USH1C: variants seen among roughly 807,000 people sequenced by gnomAD.
USH1C encodes the protein USH1 protein network component harmonin.
Under a neutral mutation model 119.3 loss-of-function variants are expected in USH1C, and 90 were observed. That is an observed-to-expected ratio of 0.75 (90% confidence interval 0.64 to 0.90). The LOEUF (loss-of-function observed/expected upper bound fraction) is 0.90. USH1C is among the 40% of genes least tolerant of loss of function. USH1C has a pLI of 0.00. For missense variants in USH1C, 1,165 were observed against 1,167.7 expected, an observed-to-expected ratio of 1.00 and a Z score of 0.03; for synonymous variants, 465 against 443.3, an observed-to-expected ratio of 1.05 and a Z score of -0.62.
chr11:17,527,006 G>A lies in USH1C; in HGVS notation c.521+10C>T. The A allele has an allele frequency of 1.3e-6, 2 of 1,564,068 alleles. No homozygotes were observed. Among genetic ancestry groups the A allele is most frequent in the African/African-American group, 1.4e-5 (1 of 73,976 alleles). On this transcript the variant is annotated intron_variant, in intron 6 of 26. Transcript: ENST00000005226. ...GGGAAGAGTTGGCCTGCAGAGGAGGGGCCTCTCACCTTTTCACGGGGATCA... is the reference window on the plus strand; with the variant it reads ...GGGAAGAGTTGGCCTGCAGAGGAGGAGCCTCTCACCTTTTCACGGGGATCA...
At position 17,531,160 on chromosome 11, in the gene USH1C, C is replaced by A. The variant is rs41282942; in HGVS notation, c.381G>T (p.Gly127=). 3.7e-3 allele frequency: 6,044 copies of A among 1,614,094 alleles called. 18 individuals are homozygous for A. The highest frequency in any genetic ancestry group is 9.1e-3 in the Middle Eastern group (55 of 6,054). Residue 127 remains glycine, a synonymous_variant, in exon 4 of 27, where the codon GGG becomes GGT. Transcript: ENST00000005226. The surrounding 1 kb of genome is among the most constrained non-coding windows in gnomAD (Gnocchi z 4.2). The stretch of plus-strand genomic sequence containing the variant: ...CCGGACTCTGTTTGCTCACCTGGAG[C>A]CCGACGCTGTCTGCCTGACCGCCTT... ...LIKGGQADSV[G]LQVGDEIVRI...
chr11:17,523,332 A>G, intron 10 of USH1C, 65 bp from the exon 11 acceptor site: 1 of 1,613,874 alleles, frequency 6.2e-7, no homozygotes, highest in Non-Finnish European at 8.5e-7. Flanking sequence ...CAGAGAGCAC[A>G]GAAGGCCCCA....
chr11:17,531,656 G>C lies in USH1C; in HGVS notation c.105-114C>G. Reference sequence around the variant, plus strand: ...TGGGCCCAGGCTTAGGAATGGAGTAGACCACTCCTGAAAAGCCCAGAGCTC... The same window carrying C: ...TGGGCCCAGGCTTAGGAATGGAGTACACCACTCCTGAAAAGCCCAGAGCTC... On this transcript the variant is annotated intron_variant, in intron 2 of 26. Coordinates refer to ENST00000005226, the MANE Select transcript of USH1C (RefSeq NM_153676.4). This position sits in a 1 kb window ranked among gnomAD's most constrained non-coding sequence, Gnocchi z 4.2. The C allele has an allele frequency of 2.2e-6, 3 of 1,378,172 alleles. No homozygotes were observed. Among genetic ancestry groups the C allele is most frequent in the Non-Finnish European group, 3.0e-6 (3 of 1,001,296 alleles). The allele number at this position is 1,378,172 out of a possible 1,614,324, so 85.4% of individuals were successfully genotyped here.
chr11:17,502,887 G>A (rs1258822382), intron 20 of USH1C, among the ~76,000 whole-genome samples: 1 of 152,166 alleles, frequency 6.6e-6, no homozygotes, highest in African/African-American at 2.4e-5. Context: ...GAGCAGAGGA[G>A]AGCCCCGTGG....
At chr11:17,513,123 A>AGT (rs1849965761) in intron 15 of USH1C, among the ~76,000 whole-genome samples, 2 of 152,204 alleles carry the variant, frequency 1.3e-5, no homozygotes, top group South Asian at 4.1e-4. Flanking sequence ...TGTAACTGAT[A>AGT]GTACCAGGAT....
At chr11:17,527,439 G>A in intron 4 of USH1C, 108 bp from the exon 5 acceptor site, 2 of 896,732 alleles carry the variant, frequency 2.2e-6, no homozygotes, top group Non-Finnish European at 3.6e-6. Flanking sequence ...GGGAAGGGTG[G>A]CTGTGCCACC....
At position 17,510,507 on chromosome 11, in the gene USH1C, C is replaced by T. The variant is rs1565035098; in HGVS notation, c.1428G>A (p.Glu476=). 6.2e-7 allele frequency: 1 copy of T among 1,613,946 alleles called. No individual in the cohort carries two copies. Among genetic ancestry groups the T allele is most frequent in the Non-Finnish European group, 8.5e-7 (1 of 1,179,858 alleles). Residue 476 remains glutamate (E), a synonymous_variant, in exon 17 of 27, where the codon GAG becomes GAA. Transcript: ENST00000005226. ...TTTCCGATTCTTCAAGGTCTTCCCG[C>T]TCTGTCTCAGACACCTGGGACCCAG... The part of the protein sequence containing the change: ...NRLAQEVSET[E]REDLEESEKI...
chr11:17,523,285 C>T lies in USH1C; in HGVS notation c.820-18G>A, dbSNP rs1370963283. On this transcript the variant is annotated intron_variant, in intron 10 of 26. Transcript: ENST00000005226. ...TTTACAGCCTGTGGGGACAGAAGGA[C>T]AGTGGGCCGAGGCCTGACAGACCAC... 4 of 1,614,042 alleles carry T rather than the reference C, an allele frequency of 2.5e-6. No individual in the cohort carries two copies. Among genetic ancestry groups the T allele is most frequent in the African/African-American group, 2.7e-5 (2 of 74,936 alleles).
intron 14 of USH1C, among the ~76,000 whole-genome samples, chr11:17,517,964 T>C (rs1413838475): frequency 2.6e-5 from 4 of 152,236 alleles, no homozygotes; most frequent in South Asian, 2.1e-4. Flanking sequence ...GGTGGGGACA[T>C]CCCAAAAGGT....
intron 8 of USH1C, 54 bp downstream of exon 8, chr11:17,526,293 G>C: frequency 1.4e-6 from 2 of 1,477,456 alleles, no homozygotes; most frequent in East Asian, 4.5e-5. Context: ...GGGCAATAGG[G>C]GCCTGCTGGG....
At chr11:17,536,534 G>T in intron 1 of USH1C, among the ~76,000 whole-genome samples, 1 of 152,206 alleles carries the variant, frequency 6.6e-6, no homozygotes, top group East Asian at 1.9e-4. Flanking sequence ...AAGGTCCCGG[G>T]CTCCTGGCCC....
chr11:17,500,813 C>T (rs1173895439), intron 23 of USH1C, among the ~76,000 whole-genome samples: 1 of 152,206 alleles, frequency 6.6e-6, no homozygotes, highest in Admixed American at 6.5e-5. Context: ...CGTCTCCCAC[C>T]CTGGCTGGGG....
At chr11:17,538,661 C>G (rs1851325555) in intron 1 of USH1C, among the ~76,000 whole-genome samples, 1 of 152,156 alleles carries the variant, frequency 6.6e-6, no homozygotes, top group Admixed American at 6.5e-5. Flanking sequence ...ATGCCTCCAG[C>G]CTTCTCCACC....
In USH1C at chr11:17,517,383, C is replaced by A. The variant is rs754454149; in HGVS notation, c.1211-1093G>T. The stretch of plus-strand genomic sequence containing the variant: ...AAAGCAGAGCAGCCAGGCCAGGGAG[C>A]AAAGCGGGGACGCGAACCTGCTCTC... On this transcript the variant is annotated intron_variant, in intron 14 of 26. Transcript: ENST00000005226. The A allele has an allele frequency of 6.4e-7, 1 of 1,568,538 alleles. No individual in the cohort carries two copies. The highest frequency in any genetic ancestry group is 1.9e-5 in the Admixed American group (1 of 53,880).
intron 14 of USH1C, among the ~76,000 whole-genome samples, chr11:17,520,586 T>C (rs1250549006): frequency 6.6e-6 from 1 of 152,134 alleles, no homozygotes; most frequent in African/African-American, 2.4e-5. Context: ...ACTTTCACTA[T>C]GGCCCTTATT....
rs757580037 is a variant in USH1C, at chr11:17,544,253, G to A, written c.36+19C>T. 1 of 1,613,962 alleles carries A rather than the reference G, an allele frequency of 6.2e-7. No homozygotes were observed. Among genetic ancestry groups the A allele is most frequent in the Non-Finnish European group, 8.5e-7 (1 of 1,179,986 alleles). On this transcript the variant is annotated intron_variant, in intron 1 of 26. Coordinates refer to ENST00000005226, the MANE Select transcript of USH1C (RefSeq NM_153676.4). ...GGACTCCGGAGTCCCAGAAGCCTGG[G>A]GCGCCCTGCAGCTCTGACCTTATGC... is the stretch of plus-strand genomic sequence containing the variant.
chr11:17,539,738 T>G lies in USH1C; in HGVS notation c.36+4534A>C, dbSNP rs777570527. On this transcript the variant is annotated intron_variant, in intron 1 of 26. Transcript: ENST00000005226. ...TTTCTTATCATCCATCTTTTCTTTT[T>G]CTTTTGCTTTCTTTCTTTCTTGTCT... Among the ~76,000 whole-genome samples the G allele has an allele frequency of 5.4e-4, 82 of 152,224 alleles. 5 individuals are homozygous for G. Among genetic ancestry groups the G allele is most frequent in the Non-Finnish European group, 1.2e-4 (8 of 68,012 alleles).
rs139284857 is a variant in USH1C at position 17,540,032 on chromosome 11, A to C, written c.36+4240T>G. Among the ~76,000 whole-genome samples the C allele has an allele frequency of 8.7e-3, 1,320 of 151,738 alleles. 20 individuals are homozygous for C. Among genetic ancestry groups the C allele is most frequent in the African/African-American group, 0.03 (1,247 of 41,378 alleles). ...TTTTTTGTAGAGATGGGGTCTCGCT[A>C]TGTTGCCCAGGCTGGTCTCAAACTC... On this transcript the variant is annotated intron_variant, in intron 1 of 26. Transcript: ENST00000005226.
intron 1 of USH1C, among the ~76,000 whole-genome samples, chr11:17,537,405 C>T (rs954988784): frequency 6.6e-6 from 1 of 152,182 alleles, no homozygotes; most frequent in African/African-American, 2.4e-5. Context: ...CTTCATTTCC[C>T]TGTGGAACCC....
Sources: allele counts gnomAD v4.1 joint callset (sites outside exome capture counted in the v4.1 genomes callset), GRCh38; gene constraint gnomAD v4.1.1; non-coding constraint Gnocchi (gnomAD v3.1); transcripts MANE v1.5; gene names NCBI Gene and HGNC (gene_info 2026-07-23, HGNC 2026-07-21).